DLGAP1: variants seen among roughly 807,000 people sequenced by gnomAD.
DLGAP1 encodes DLG associated protein 1, also known as disks large-associated protein 1.
A neutral mutation model predicts 90.8 loss-of-function variants in DLGAP1; 11 were observed. The observed-to-expected ratio is 0.12, with a 90% CI of 0.08 to 0.20. The LOEUF (loss-of-function observed/expected upper bound fraction) is 0.20. DLGAP1 is among the 10% of genes least tolerant of loss of function. DLGAP1 has a pLI of 1.00. For synonymous variants in DLGAP1, 558 were observed against 540.7 expected, an observed-to-expected ratio of 1.03 and a Z score of -0.44; for missense variants, 1,050 against 1,333.8, an observed-to-expected ratio of 0.79 and a Z score of 3.31.
intron 7 of DLGAP1, among the ~76,000 whole-genome samples, chr18:3,588,206 T>C (rs1362912320): frequency 6.6e-6 from 1 of 152,232 alleles, no homozygotes; most frequent in African/African-American, 2.4e-5. Context: ...ACGCCTGTAA[T>C]CCCAGAACTT....
chr18:4,264,109 T>C (rs2145286666), intron 1 of DLGAP1, among the ~76,000 whole-genome samples: 1 of 152,294 alleles, frequency 6.6e-6, no homozygotes, highest in Non-Finnish European at 1.5e-5. Context: ...AAATGGAAAA[T>C]TCATAAAGTC....
At chr18:4,156,455 A>T (rs1316451974) in intron 1 of DLGAP1, among the ~76,000 whole-genome samples, 1 of 152,202 alleles carries the variant, frequency 6.6e-6, no homozygotes, top group African/African-American at 2.4e-5. Context: ...TTAAAAATGT[A>T]TCTTTTTCTA....
chr18:4,343,162 CCGGG>C (rs1463796702), intron 1 of DLGAP1, among the ~76,000 whole-genome samples: 3 of 151,936 alleles, frequency 2.0e-5, no homozygotes, highest in African/African-American at 7.2e-5. Context: ...AAAAAATTAG[CCGGG>C]CGTGGTGGCA....
chr18:3,914,974 C>T (rs1367577858), intron 3 of DLGAP1, among the ~76,000 whole-genome samples: 2 of 152,160 alleles, frequency 1.3e-5, no homozygotes, highest in Non-Finnish European at 2.9e-5. Flanking sequence ...GGCCCCTGGG[C>T]TCAAGCCATC....
intron 1 of DLGAP1, among the ~76,000 whole-genome samples, chr18:4,265,778 C>A (rs1434853176): frequency 6.6e-6 from 1 of 151,026 alleles, no homozygotes; most frequent in Non-Finnish European, 1.5e-5. Flanking sequence ...GCCTTGACCT[C>A]CCCGGCTCAA....
At chr18:4,135,787 A>ATTTTTT (rs1283570927) in intron 2 of DLGAP1, among the ~76,000 whole-genome samples, 1 of 95,304 alleles carries the variant, frequency 1.0e-5, no homozygotes, top group African/African-American at 5.9e-5. Flanking sequence ...AGAGAATCTG[A>ATTTTTT]TTCTTTTTTT....
At chr18:4,202,015 C>T (rs2077617368) in intron 1 of DLGAP1, among the ~76,000 whole-genome samples, 1 of 152,010 alleles carries the variant, frequency 6.6e-6, no homozygotes, top group African/African-American at 2.4e-5. Context: ...TCAGAGACCC[C>T]TGAGCTTTTA....
At chr18:3,657,576 A>T (rs191827982) in intron 7 of DLGAP1, among the ~76,000 whole-genome samples, 11 of 151,862 alleles carry the variant, frequency 7.2e-5, no homozygotes, top group African/African-American at 2.4e-4. Context: ...GGCAAATTCC[A>T]TATAGTGAAT....
At chr18:3,941,810 G>C (rs768275845) in intron 3 of DLGAP1, among the ~76,000 whole-genome samples, 2 of 152,056 alleles carry the variant, frequency 1.3e-5, no homozygotes, top group Admixed American at 1.3e-4. Flanking sequence ...CCTCCCAGGC[G>C]CATGTGGTCC....
intron 4 of DLGAP1, among the ~76,000 whole-genome samples, chr18:3,875,873 T>G (rs73374556): frequency 4.6e-5 from 7 of 152,268 alleles, no homozygotes; most frequent in African/African-American, 1.4e-4. Context: ...AAAGCATGTT[T>G]CCAGGTCATG....
In DLGAP1 at chr18:4,098,008, G is replaced by A. The variant is rs117640175; in HGVS notation, c.-159+53172C>T. Among the ~76,000 whole-genome samples, 1,487 of 152,276 alleles carry A rather than the reference G, an allele frequency of 9.8e-3. 12 individuals carry two copies. Among genetic ancestry groups the A allele is most frequent in the South Asian group, 0.03 (144 of 4,828 alleles). Reference sequence around the variant, plus strand: ...GGCCTACTGCAGCCTTGATCTCTGGGACTCAATCGATCCTCCCACCTCAGC... The same window carrying A: ...GGCCTACTGCAGCCTTGATCTCTGGAACTCAATCGATCCTCCCACCTCAGC... On this transcript the variant is annotated intron_variant, in intron 2 of 12. Coordinates refer to ENST00000315677, the MANE Select transcript of DLGAP1 (RefSeq NM_004746.4).
intron 1 of DLGAP1, among the ~76,000 whole-genome samples, chr18:4,193,854 TA>T (rs1183544607): frequency 1.3e-5 from 2 of 151,968 alleles, no homozygotes; most frequent in South Asian, 2.1e-4. Flanking sequence ...CTGCCAACAA[TA>T]AAAAAAATTG....
At chr18:4,230,696 G>C in intron 1 of DLGAP1, among the ~76,000 whole-genome samples, 1 of 149,052 alleles carries the variant, frequency 6.7e-6, no homozygotes, top group Non-Finnish European at 1.5e-5. Flanking sequence ...GAATGACTAA[G>C]ATCTAGTATG....
chr18:4,057,757 G>A (rs1366372076), intron 2 of DLGAP1, among the ~76,000 whole-genome samples: 1 of 152,164 alleles, frequency 6.6e-6, no homozygotes, highest in Non-Finnish European at 1.5e-5. Flanking sequence ...AGACCTGTAT[G>A]GATTCGCCGC....
At chr18:3,575,409 A>G (rs1009536669) in intron 8 of DLGAP1, among the ~76,000 whole-genome samples, 2 of 152,238 alleles carry the variant, frequency 1.3e-5, no homozygotes, top group Non-Finnish European at 2.9e-5. Flanking sequence ...AAATTGAGTT[A>G]AATGATAATA....
intron 6 of DLGAP1, among the ~76,000 whole-genome samples, chr18:3,738,929 G>GA (rs762578072): frequency 8.3e-5 from 12 of 145,134 alleles, no homozygotes; most frequent in African/African-American, 2.8e-4. Flanking sequence ...AAATTTACAA[G>GA]AAAAAAACAA....
chr18:4,367,385 G>C (rs1212928772), intron 1 of DLGAP1, among the ~76,000 whole-genome samples: 1 of 151,728 alleles, frequency 6.6e-6, no homozygotes, highest in East Asian at 1.9e-4. Context: ...ATTTTATCCT[G>C]AGTTGCTTTC....
chr18:4,422,449 T>A (rs184024005), intron 1 of DLGAP1, among the ~76,000 whole-genome samples: 5,073 of 151,872 alleles, frequency 0.033, 281 homozygotes, highest in African/African-American at 0.11. Context: ...AACTCATTTT[T>A]ACCTATGGGT....
chr18:4,305,119 G>A lies in DLGAP1; in HGVS notation c.-267+149887C>T, dbSNP rs541826513. Among the ~76,000 whole-genome samples, 54 of 152,202 alleles carry A rather than the reference G, an allele frequency of 3.5e-4. No individual in the cohort carries two copies. The South Asian group carries it at 0.011, about 30-fold the overall frequency. ...ATGTGCCAGGACCTGTGGTGAGGACGCACAAAAAGGAACAGACCCTGAGTT... is the reference window on the plus strand; with the variant it reads ...ATGTGCCAGGACCTGTGGTGAGGACACACAAAAAGGAACAGACCCTGAGTT... On this transcript the variant is annotated intron_variant, in intron 1 of 12. Coordinates refer to ENST00000315677, the MANE Select transcript of DLGAP1 (RefSeq NM_004746.4).
Sources: allele counts gnomAD v4.1 joint callset (sites outside exome capture counted in the v4.1 genomes callset), GRCh38; gene constraint gnomAD v4.1.1; transcripts MANE v1.5; gene names NCBI Gene and HGNC (gene_info 2026-07-23, HGNC 2026-07-21).